The following PCDHGB4 variants were observed in gnomAD, a reference collection of about 807,000 sequenced individuals.
PCDHGB4 encodes the protein protocadherin gamma-B4.
Under a neutral mutation model 60.5 loss-of-function variants are expected in PCDHGB4, and 38 were observed. The observed-to-expected ratio is 0.63, with a 90% CI of 0.48 to 0.82. PCDHGB4 has a LOEUF of 0.82. PCDHGB4 is among the 40% of genes least tolerant of loss of function. PCDHGB4 has a pLI of 0.00. For missense variants in PCDHGB4, 1,109 were observed against 1,209.6 expected, an observed-to-expected ratio of 0.92 and a Z score of 1.23; for synonymous variants, 456 against 509.7, an observed-to-expected ratio of 0.89 and a Z score of 1.42.
At position 141,418,475 on chromosome 5, in the gene PCDHGB4, A is replaced by G; in HGVS notation, c.2397+28194A>G. On this transcript the variant is annotated intron_variant, in intron 1 of 3. Transcript: ENST00000519479. The stretch of plus-strand genomic sequence containing the variant: ...GAAGACTCTGGACCGAGAAACGCAG[A>G]GCGCTCACCACTTGGTACTGACCGC... 3 of 1,614,000 alleles carry G rather than the reference A, an allele frequency of 1.9e-6. No individual in the cohort carries two copies. Among genetic ancestry groups the G allele is most frequent in the Non-Finnish European group, 2.5e-6 (3 of 1,179,892 alleles).
chr5:141,478,700 C>T (rs1171617240), intron 1 of PCDHGB4: 2 of 1,549,172 alleles, frequency 1.3e-6, no homozygotes, highest in South Asian at 1.2e-5. Flanking sequence ...AAAGTTAGTG[C>T]CTTTGTGAGA....
chr5:141,423,756 GGGGGTGGGGC>G, intron 1 of PCDHGB4: 1 of 448,620 alleles, frequency 2.2e-6, no homozygotes, highest in Non-Finnish European at 3.0e-6. Context: ...TGTTTGGGGG[GGGGGTGGGGC>G]GGCATATATT....
chr5:141,432,964 G>A lies in PCDHGB4; in HGVS notation c.2397+42683G>A, dbSNP rs2097554835. On this transcript the variant is annotated intron_variant, in intron 1 of 3. Transcript: ENST00000519479. This position sits in a 1 kb window ranked among gnomAD's most constrained non-coding sequence, Gnocchi z 6.0. Reference sequence around the variant, plus strand: ...CTTCAGGAGGCGGCTTGACAGGAGCGCCGGCGTCGCACTTTGTGGGCGTGG... The same window carrying A: ...CTTCAGGAGGCGGCTTGACAGGAGCACCGGCGTCGCACTTTGTGGGCGTGG... The A allele has an allele frequency of 6.2e-7, 1 of 1,614,044 alleles. No homozygotes were observed. Among genetic ancestry groups the A allele is most frequent in the African/African-American group, 1.3e-5 (1 of 74,934 alleles).
chr5:141,422,842 G>A (rs756990417), intron 1 of PCDHGB4: 5 of 1,614,228 alleles, frequency 3.1e-6, no homozygotes, highest in South Asian at 1.1e-5. Flanking sequence ...ACGTGACAGC[G>A]GGGACCCGCC....
chr5:141,488,175 T>C (rs889217562), intron 1 of PCDHGB4, among the ~76,000 whole-genome samples: 1 of 152,168 alleles, frequency 6.6e-6, no homozygotes, highest in Non-Finnish European at 1.5e-5. Context: ...AGTGGTGGCA[T>C]AGATCTTTTG....
At chr5:141,502,074 C>G (rs73794927) in intron 2 of PCDHGB4, among the ~76,000 whole-genome samples, 1,657 of 152,272 alleles carry the variant, frequency 0.011, 27 homozygotes, top group African/African-American at 0.037. Flanking sequence ...CCCCCTTCAC[C>G]TGGGGCTGAG....
At chr5:141,411,417 C>T (rs2095487286) in intron 1 of PCDHGB4, 1 of 148,614 alleles carries the variant, frequency 6.7e-6, no homozygotes, top group Non-Finnish European at 1.5e-5. Context: ...ACTAAAACAA[C>T]AACAACAAAA....
At chr5:141,465,714 C>T (rs1015102102) in intron 1 of PCDHGB4, among the ~76,000 whole-genome samples, 4 of 152,200 alleles carry the variant, frequency 2.6e-5, no homozygotes, top group Non-Finnish European at 5.9e-5. Context: ...AATGCCACCA[C>T]TTCCACCTCT....
intron 1 of PCDHGB4, chr5:141,410,849 CTTTTTT>C (rs759346998): frequency 3.0e-4 from 42 of 138,124 alleles, no homozygotes; most frequent in Middle Eastern, 4.3e-3. Context: ...TTGTCTTTGT[CTTTTTT>C]TTTTTTTTTT....
chr5:141,418,080 A>T (rs1590086455), intron 1 of PCDHGB4: 1 of 1,614,046 alleles, frequency 6.2e-7, no homozygotes, highest in East Asian at 2.2e-5. Flanking sequence ...GAGAAGCTGC[A>T]CTTCAGCGTA....
chr5:141,507,196 CCAGAT>C (rs2099859095), intron 3 of PCDHGB4: 1 of 152,374 alleles, frequency 6.6e-6, no homozygotes, highest in Non-Finnish European at 1.5e-5. Context: ...CTTTATTCTT[CCAGAT>C]CAGGGTTGCC....
chr5:141,431,147 G>A lies in PCDHGB4; in HGVS notation c.2397+40866G>A, dbSNP rs1303502732. ...AGAAGTAAGGGACATTAACGACAAT[G>A]CGCCTTACTTTCGTGAAAGTGAATT... On this transcript the variant is annotated intron_variant, in intron 1 of 3. Coordinates refer to ENST00000519479, the MANE Select transcript of PCDHGB4 (RefSeq NM_003736.4). The surrounding 1 kb of genome is among the most constrained non-coding windows in gnomAD (Gnocchi z 4.8). 6.2e-7 allele frequency: 1 copy of A among 1,614,228 alleles called. No homozygotes were observed. The highest frequency in any genetic ancestry group is 1.7e-5 in the Admixed American group (1 of 60,030).
intron 1 of PCDHGB4, chr5:141,408,546 A>G (rs777449394): frequency 6.2e-7 from 1 of 1,613,898 alleles, no homozygotes; most frequent in Non-Finnish European, 8.5e-7. Context: ...AATCCTTTAA[A>G]TATTTTTCAT....
chr5:141,389,309 T>C lies in PCDHGB4; in HGVS notation c.1425T>C (p.Ser475=), dbSNP rs763262842. Reference sequence around the variant, plus strand: ...CCTCTATTTCACAAGTCAGGGCTTCTGATCCGGACTTGGGGCCCAACGGCC... The same window carrying C: ...CCTCTATTTCACAAGTCAGGGCTTCCGATCCGGACTTGGGGCCCAACGGCC... ...PGASISQVRA[S]DPDLGPNGQV... The change falls in exon 1 of 4, where the codon TCT becomes TCC. Residue 475 remains serine, a synonymous_variant. Transcript: ENST00000519479. The C allele has an allele frequency of 6.2e-7, 1 of 1,613,900 alleles. No homozygotes were observed. The highest frequency in any genetic ancestry group is 1.3e-5 in the African/African-American group (1 of 74,958).
At chr5:141,505,361 A>G (rs2099845711) in intron 2 of PCDHGB4, 32 bp from the exon 3 acceptor site, 1 of 1,613,910 alleles carries the variant, frequency 6.2e-7, no homozygotes, top group South Asian at 1.1e-5. Context: ...CCGGCCTGGG[A>G]GTCTGTGCTC....
chr5:141,395,124 C>T, intron 1 of PCDHGB4: 2 of 1,614,194 alleles, frequency 1.2e-6, no homozygotes, highest in Non-Finnish European at 1.7e-6. Context: ...CCTGATCTTT[C>T]CCCAGCCCAA....
At chr5:141,450,225 C>A (rs1294362576) in intron 1 of PCDHGB4, among the ~76,000 whole-genome samples, 1 of 151,976 alleles carries the variant, frequency 6.6e-6, no homozygotes, top group Non-Finnish European at 1.5e-5. Flanking sequence ...ACTATGTTGG[C>A]CAGGCTAGTC....
At chr5:141,403,074 A>G (rs777613681) in intron 1 of PCDHGB4, 9 of 1,614,088 alleles carry the variant, frequency 5.6e-6, no homozygotes, top group Non-Finnish European at 6.8e-6. Flanking sequence ...GAGACAGAAA[A>G]GGGCTATATT....
At chr5:141,421,529 C>T in intron 1 of PCDHGB4, 1 of 1,614,020 alleles carries the variant, frequency 6.2e-7, no homozygotes, top group Non-Finnish European at 8.5e-7. Flanking sequence ...GAGACGGTGT[C>T]CTCCTGTTTT....
Sources: gnomAD v4.1 joint callset for allele counts (sites outside exome capture counted in the v4.1 genomes callset) on GRCh38, gnomAD v4.1.1 for gene constraint, Gnocchi (gnomAD v3.1) non-coding constraint, MANE v1.5 for transcripts, NCBI Gene and HGNC (gene_info 2026-07-23, HGNC 2026-07-21) for gene names.